The following CDKL3 variants were observed in gnomAD, a reference collection of about 807,000 sequenced individuals.
CDKL3 encodes the protein cyclin-dependent kinase-like 3.
Under a neutral mutation model 69.3 loss-of-function variants are expected in CDKL3, and 65 were observed. The ratio of observed to expected loss-of-function variants is 0.94; its 90% CI spans 0.77 to 1.15. The LOEUF (loss-of-function observed/expected upper bound fraction) is 1.15, where lower values mean the gene tolerates loss of function less well. Ranked by LOEUF, CDKL3 falls within the 50% of genes most tolerant of loss-of-function variation. The pLI is 0.00. For missense variants in CDKL3, 652 were observed against 689.2 expected, an observed-to-expected ratio of 0.95 and a Z score of 0.61; for synonymous variants, 202 against 221.6, an observed-to-expected ratio of 0.91 and a Z score of 0.79.
chr5:134,289,143 C>A (rs1580747204), intron 8 of CDKL3, among the ~76,000 whole-genome samples: 1 of 115,748 alleles, frequency 8.6e-6, no homozygotes, highest in African/African-American at 3.6e-5. Flanking sequence ...GCCTAGACAG[C>A]AGAGCAAGAC....
At chr5:134,365,974 G>A (rs1026095963) in intron 2 of CDKL3, among the ~76,000 whole-genome samples, 4 of 152,036 alleles carry the variant, frequency 2.6e-5, no homozygotes, top group African/African-American at 4.8e-5. Context: ...CATTTATTAT[G>A]AGCCACTTTT....
At chr5:134,340,239 GA>G (rs1750139203) in intron 4 of CDKL3, among the ~76,000 whole-genome samples, 1 of 152,144 alleles carries the variant, frequency 6.6e-6, no homozygotes. Context: ...CAGTAAAGCA[GA>G]GAGGGAAATG....
At chr5:134,288,047 A>G (rs1442771038) in intron 8 of CDKL3, among the ~76,000 whole-genome samples, 3 of 152,024 alleles carry the variant, frequency 2.0e-5, no homozygotes, top group African/African-American at 7.2e-5. Context: ...GACATGTGCC[A>G]CCACACCCAG....
At chr5:134,352,988 A>C (rs1161625373) in intron 3 of CDKL3, among the ~76,000 whole-genome samples, 1 of 152,178 alleles carries the variant, frequency 6.6e-6, no homozygotes, top group Non-Finnish European at 1.5e-5. Flanking sequence ...TATCTAAAAA[A>C]TAATTGCCCA....
chr5:134,338,851 G>C (rs377136126), intron 4 of CDKL3, among the ~76,000 whole-genome samples: 1 of 151,932 alleles, frequency 6.6e-6, no homozygotes, highest in African/African-American at 2.4e-5. Flanking sequence ...TTACAACTAC[G>C]TCAATAATAA....
At chr5:134,299,847 T>C (rs1010431242) in intron 12 of CDKL3, 87 of 773,014 alleles carry the variant, frequency 1.1e-4, no homozygotes, top group Non-Finnish European at 1.6e-4. Flanking sequence ...TTTGCCCCTA[T>C]GGGTTGTTTC....
At chr5:134,333,179 T>C (rs1298788558) in intron 4 of CDKL3, among the ~76,000 whole-genome samples, 5 of 152,236 alleles carry the variant, frequency 3.3e-5, no homozygotes, top group Admixed American at 1.3e-4. Context: ...TCCTGAGACT[T>C]TGCTGAAGTT....
chr5:134,340,704 T>A (rs1227863698), intron 4 of CDKL3, among the ~76,000 whole-genome samples: 1 of 152,108 alleles, frequency 6.6e-6, no homozygotes, highest in Non-Finnish European at 1.5e-5. Flanking sequence ...GTGAAAAGAC[T>A]GAATTCATGA....
intron 6 of CDKL3, among the ~76,000 whole-genome samples, chr5:134,316,041 TC>T (rs760907135): frequency 6.6e-4 from 101 of 152,196 alleles, no homozygotes; most frequent in Non-Finnish European, 1.3e-3. Context: ...AGCCTCAACC[TC>T]CCAGGCTCAA....
chr5:134,308,651 T>C lies in CDKL3; in HGVS notation c.958A>G (p.Lys320Glu), dbSNP rs772141606. ...NSLIKPKESS[K>E]ENELRKDERK... ...TCATCTTTCCTGAGTTCATTTTCTT[T>C]AGAACTCTCTTTTGGCTTTATTAAT... Residue 320 changes from lysine to glutamate, a missense_variant, in exon 8 of 13, where the codon AAA becomes GAA. Coordinates refer to ENST00000265334, the MANE Select transcript of CDKL3 (RefSeq NM_001113575.2). 2.5e-6 allele frequency: 4 copies of C among 1,610,048 alleles called. 1 individual carries two copies. In the Admixed American group the frequency reaches 5.1e-5, roughly 20 times the overall value.
intron 10 of CDKL3, among the ~76,000 whole-genome samples, chr5:134,305,438 T>C (rs951884529): frequency 1.3e-5 from 2 of 152,178 alleles, no homozygotes; most frequent in African/African-American, 2.4e-5. Flanking sequence ...AACTTTTCAT[T>C]TTTAATACTA....
At chr5:134,338,199 G>A (rs528816558) in intron 4 of CDKL3, among the ~76,000 whole-genome samples, 1 of 152,106 alleles carries the variant, frequency 6.6e-6, no homozygotes, top group Non-Finnish European at 1.5e-5. Flanking sequence ...ATAATGGTTT[G>A]TAACATTATT....
At chr5:134,304,928 C>CAAGA (rs1561506701) in intron 10 of CDKL3, among the ~76,000 whole-genome samples, 2 of 151,174 alleles carry the variant, frequency 1.3e-5, no homozygotes, top group Non-Finnish European at 2.9e-5. Flanking sequence ...CCACCTCAGT[C>CAAGA]TCTTAAGTAA....
At chr5:134,299,643 T>TA in intron 12 of CDKL3, 1 of 1,495,492 alleles carries the variant, frequency 6.7e-7, no homozygotes, top group Non-Finnish European at 8.9e-7. Flanking sequence ...AAAGGATTTT[T>TA]AAAAAACCAT....
chr5:134,294,991 G>A (rs1765283028), downstream of CDKL3, among the ~76,000 whole-genome samples: 1 of 150,482 alleles, frequency 6.6e-6, no homozygotes, highest in Non-Finnish European at 1.5e-5. Context: ...CTCGTGAATT[G>A]GAAGACTTGA....
At chr5:134,371,197 C>T (rs1000199793), upstream of CDKL3, 7 of 280,440 alleles carry the variant, frequency 2.5e-5, no homozygotes, top group Non-Finnish European at 4.8e-5. Flanking sequence ...TTTCTCCACC[C>T]CGCCGAGCCT....
intron 7 of CDKL3, among the ~76,000 whole-genome samples, chr5:134,310,320 G>A (rs989001047): frequency 1.3e-5 from 2 of 151,810 alleles, no homozygotes; most frequent in Non-Finnish European, 2.9e-5. Context: ...TGAGTAGCTG[G>A]CATTACAGGG....
chr5:134,371,544 G>A (rs546331408), upstream of CDKL3: 8 of 1,596,798 alleles, frequency 5.0e-6, no homozygotes, highest in Non-Finnish European at 6.8e-6. Flanking sequence ...GGGGTGGGGG[G>A]GCTGCGCGGG....
At chr5:134,371,312 A>G (rs1465886874), upstream of CDKL3, 4 of 555,994 alleles carry the variant, frequency 7.2e-6, no homozygotes, top group Non-Finnish European at 1.3e-5. Context: ...CTATTACTTC[A>G]GGAAGCCCAG....
Sources: gnomAD v4.1 joint callset for allele counts (sites outside exome capture counted in the v4.1 genomes callset) on GRCh38, gnomAD v4.1.1 for gene constraint, MANE v1.5 for transcripts, NCBI Gene and HGNC (gene_info 2026-07-23, HGNC 2026-07-21) for gene names.